RAB3IL1: variants seen among roughly 807,000 people sequenced by gnomAD.
RAB3IL1 encodes RAB3A interacting protein like 1.
A neutral mutation model predicts 49.2 loss-of-function variants in RAB3IL1; 37 were observed. That is an observed-to-expected ratio of 0.75 (90% CI 0.58 to 0.99). RAB3IL1 has a LOEUF of 0.99. Ranked by LOEUF, RAB3IL1 falls within the 50% of genes least tolerant of loss-of-function variation. RAB3IL1 has a pLI of 0.00. For synonymous variants in RAB3IL1, 193 were observed against 213.9 expected, an observed-to-expected ratio of 0.90 and a Z score of 0.85; for missense variants, 484 against 513.0, an observed-to-expected ratio of 0.94 and a Z score of 0.55.
At chr11:61,939,504 G>T in the RAB3IL1 span, among the ~76,000 whole-genome samples, 1 of 150,538 alleles carries the variant, frequency 6.6e-6, no homozygotes, top group Non-Finnish European at 1.5e-5. Context: ...GCAAGCAAAA[G>T]AAAGAATAAA....
At position 61,912,932 on chromosome 11, in the gene RAB3IL1, A is replaced by G. The variant is rs185120339; in HGVS notation, c.11+4425T>C. ...CTGGATGGGGGGGCAGGAAAAAGCAATAACAATAATTAAGATAATTCAAAA... is the reference window on the plus strand; with the variant it reads ...CTGGATGGGGGGGCAGGAAAAAGCAGTAACAATAATTAAGATAATTCAAAA... On this transcript the variant is annotated intron_variant, in intron 1 of 9. Coordinates refer to ENST00000394836, the MANE Select transcript of RAB3IL1 (RefSeq NM_013401.4). Among the ~76,000 whole-genome samples the G allele has an allele frequency of 7.9e-5, 12 of 152,266 alleles. 1 individual carries two copies. In the East Asian group the frequency reaches 1.5e-3, roughly 20 times the overall value.
chr11:61,899,457 A>G (rs538033148), intron 8 of RAB3IL1, 77 bp from the exon 9 acceptor site: 14 of 1,432,700 alleles, frequency 9.8e-6, no homozygotes, highest in Admixed American at 1.9e-5. Context: ...CTGAGTCCAG[A>G]GCAGGAGGCC....
chr11:61,922,705 T>TGCCCCGCCCC (rs1302176893), upstream of RAB3IL1, among the ~76,000 whole-genome samples: 1 of 146,254 alleles, frequency 6.8e-6, no homozygotes, highest in African/African-American at 2.5e-5. Context: ...CACCCCACCC[T>TGCCCCGCCCC]GCCCCGCCCC....
the RAB3IL1 span, among the ~76,000 whole-genome samples, chr11:61,925,839 G>A: frequency 1.3e-5 from 2 of 152,100 alleles, no homozygotes; most frequent in Admixed American, 6.6e-5. Flanking sequence ...AGCCTTGGAG[G>A]CGAGTTAAAG....
the RAB3IL1 span, chr11:61,945,827 C>T: frequency 6.1e-5 from 60 of 985,144 alleles, no homozygotes; most frequent in East Asian, 6.4e-3. Context: ...ACAGTGGATC[C>T]TCTTGCCTTG....
chr11:61,907,368 CTGGGCAGGCGGGGA>C lies in RAB3IL1; in HGVS notation c.438+11_438+24del. ...AGGCAGGGGGGGTGCCTGGGCTGGC[CTGGGCAGGCGGGGA>C]TGGGCCTCACCTTGCCCCGAGCCTC... On this transcript the variant is annotated intron_variant, in intron 4 of 9. Transcript: ENST00000394836. 6.2e-7 allele frequency: 1 copy of C among 1,611,390 alleles called. No individual in the cohort carries two copies. The highest frequency in any genetic ancestry group is 8.5e-7 in the Non-Finnish European group (1 of 1,179,208).
chr11:61,915,286 G>C (rs1939628650), intron 1 of RAB3IL1, among the ~76,000 whole-genome samples: 1 of 152,078 alleles, frequency 6.6e-6, no homozygotes, highest in South Asian at 2.1e-4. Flanking sequence ...AGTGTTGCTG[G>C]GAATATGGCA....
At chr11:61,943,855 C>T in the RAB3IL1 span, among the ~76,000 whole-genome samples, 612 of 152,188 alleles carry the variant, frequency 4.0e-3, 3 homozygotes, top group African/African-American at 7.9e-3. Context: ...TTACAGGACA[C>T]GGATTGCCCC....
chr11:61,932,132 T>C, the RAB3IL1 span, among the ~76,000 whole-genome samples: 4 of 151,912 alleles, frequency 2.6e-5, no homozygotes, highest in Non-Finnish European at 5.9e-5. Flanking sequence ...GCGCCTGTAG[T>C]CCCAGCTACT....
intron 1 of RAB3IL1, among the ~76,000 whole-genome samples, chr11:61,916,400 T>C (rs1939689342): frequency 6.6e-6 from 1 of 150,918 alleles, no homozygotes; most frequent in Non-Finnish European, 1.5e-5. Context: ...AGGAGCCCAC[T>C]CTCTCCACAC....
chr11:61,906,514 C>A lies in RAB3IL1; in HGVS notation c.609G>T (p.Val203=), dbSNP rs1000113162. 1.4e-5 allele frequency: 22 copies of A among 1,553,960 alleles called. No individual in the cohort carries two copies. Among genetic ancestry groups the A allele is most frequent in the Non-Finnish European group, 1.7e-5 (20 of 1,150,626 alleles). ...TGAGGGTGTGTCCCGCAGCGGGACA[C>A]ACGGCGGGGCAGAGGGTGCTGCTGG... is the stretch of plus-strand genomic sequence containing the variant. The part of the protein sequence containing the change: ...KSTSSTLCPA[V]CPAAGHTLTP... The change falls in exon 5 of 10, where the codon GTG becomes GTT. Residue 203 remains valine, a synonymous_variant. Transcript: ENST00000394836. The surrounding 1 kb of genome is among the most constrained non-coding windows in gnomAD (Gnocchi z 4.6).
Position 61,917,466 on chromosome 11 carries a change from G to GC in RAB3IL1, c.-100dup. On this transcript the variant is annotated 5_prime_UTR_variant, in exon 1 of 10. Transcript: ENST00000394836. ...CGCCGACTCCGCCAGGGGCCGAGCC[G>GC]CCCCACCGCCTGTCAGCCCTGCCCG... The GC allele has an allele frequency of 3.4e-6, 4 of 1,160,028 alleles. No individual in the cohort carries two copies. The highest frequency in any genetic ancestry group is 4.2e-6 in the Non-Finnish European group (4 of 943,186). 71.9% of individuals were successfully genotyped at this position (1,160,028 alleles called of 1,614,324 possible).
intron 3 of RAB3IL1, 30 bp downstream of exon 3, chr11:61,907,535 C>T (rs756559369): frequency 6.2e-7 from 1 of 1,613,924 alleles, no homozygotes; most frequent in South Asian, 1.1e-5. Context: ...GACCCATTCC[C>T]CAAGTTGTTC....
chr11:61,898,409 T>A lies in RAB3IL1; in HGVS notation c.1067-49A>T. On this transcript the variant is annotated intron_variant, in intron 9 of 9. Coordinates refer to ENST00000394836, the MANE Select transcript of RAB3IL1 (RefSeq NM_013401.4). The surrounding 1 kb of genome is among the most constrained non-coding windows in gnomAD (Gnocchi z 5.1). ...AGGTCGGGGACAGCTCAGGGTCACCTCGGGCAGATGGCCAGGTCCCCTCCT... is the reference window on the plus strand; with the variant it reads ...AGGTCGGGGACAGCTCAGGGTCACCACGGGCAGATGGCCAGGTCCCCTCCT... The A allele has an allele frequency of 6.5e-7, 1 of 1,528,544 alleles. No individual in the cohort carries two copies. Among genetic ancestry groups the A allele is most frequent in the Non-Finnish European group, 9.0e-7 (1 of 1,105,612 alleles). 94.7% of individuals were successfully genotyped at this position (1,528,544 alleles called of 1,614,324 possible).
At position 61,898,720 on chromosome 11, in the gene RAB3IL1, C is replaced by A. The variant is rs547014843; in HGVS notation, c.1067-360G>T. The A allele has an allele frequency of 6.7e-4, 324 of 482,294 alleles. 1 individual carries two copies. Among genetic ancestry groups the A allele is most frequent in the Non-Finnish European group, 3.7e-4 (91 of 245,580 alleles). The allele number at this position is 482,294 out of a possible 1,614,324, so 29.9% of individuals were successfully genotyped here. A position where few individuals can be genotyped will look rare whatever the true frequency, so the allele number is the denominator to read the frequency against. ...TCCCTGGGGTCTCACAAGGACCCTG[C>A]GCAGTGAGGCGGGGACCACAGCGGC... On this transcript the variant is annotated intron_variant, in intron 9 of 9. Coordinates refer to ENST00000394836, the MANE Select transcript of RAB3IL1 (RefSeq NM_013401.4). This position sits in a 1 kb window ranked among gnomAD's most constrained non-coding sequence, Gnocchi z 5.1.
chr11:61,908,031 C>A (rs1254750655), intron 2 of RAB3IL1, 23 bp downstream of exon 2: 1 of 1,595,484 alleles, frequency 6.3e-7, no homozygotes, highest in South Asian at 1.1e-5. Flanking sequence ...CCGAAGACCC[C>A]CCAGCCTACT....
At chr11:61,899,018 G>T in intron 9 of RAB3IL1, 2 of 535,860 alleles carry the variant, frequency 3.7e-6, no homozygotes, top group Non-Finnish European at 7.1e-6. Context: ...CTGTGTTCAG[G>T]TGACCAGGAG....
At chr11:61,930,085 A>C in the RAB3IL1 span, among the ~76,000 whole-genome samples, 4 of 149,932 alleles carry the variant, frequency 2.7e-5, no homozygotes, top group Non-Finnish European at 5.9e-5. Flanking sequence ...TAGTAGAGGC[A>C]GGGTTTTGCC....
chr11:61,945,693 G>C, the RAB3IL1 span: 1 of 910,536 alleles, frequency 1.1e-6, no homozygotes, highest in Non-Finnish European at 1.3e-6. Context: ...TGTCCTTTCC[G>C]CTACCCACCT....
Sources: allele counts gnomAD v4.1 joint callset (sites outside exome capture counted in the v4.1 genomes callset), GRCh38; gene constraint gnomAD v4.1.1; non-coding constraint Gnocchi (gnomAD v3.1); transcripts MANE v1.5; gene names NCBI Gene and HGNC (gene_info 2026-07-23, HGNC 2026-07-21).